TMEM178B: variants seen among roughly 807,000 people sequenced by gnomAD.
TMEM178B encodes transmembrane protein 178B.
A neutral mutation model predicts 31.0 loss-of-function variants in TMEM178B; 5 were observed. The ratio of observed to expected loss-of-function variants is 0.16; its 90% confidence interval spans 0.08 to 0.34. The LOEUF is 0.34. TMEM178B is among the 10% of genes least tolerant of loss of function. The pLI is 1.00. For synonymous variants in TMEM178B, 164 were observed against 164.0 expected, an observed-to-expected ratio of 1.00 and a Z score of 0.00; for missense variants, 275 against 400.3, an observed-to-expected ratio of 0.69 and a Z score of 2.67.
chr7:141,304,475 A>G (rs957850388), intron 2 of TMEM178B, among the ~76,000 whole-genome samples: 2 of 152,172 alleles, frequency 1.3e-5, no homozygotes, highest in South Asian at 2.1e-4. Context: ...GGCAAGGTCT[A>G]TCCTGAGCTG....
At chr7:141,355,099 G>T (rs560561570) in intron 2 of TMEM178B, among the ~76,000 whole-genome samples, 1 of 152,312 alleles carries the variant, frequency 6.6e-6, no homozygotes, top group East Asian at 1.9e-4. Context: ...GCTGTGATGG[G>T]GTGGGGGTGA....
At chr7:141,237,717 T>C (rs1797552031) in intron 2 of TMEM178B, among the ~76,000 whole-genome samples, 1 of 152,208 alleles carries the variant, frequency 6.6e-6, no homozygotes, top group Non-Finnish European at 1.5e-5. Flanking sequence ...CACCATCAGA[T>C]ACTTTATTTT....
chr7:141,390,256 C>A (rs962054057), intron 2 of TMEM178B, among the ~76,000 whole-genome samples: 1 of 152,186 alleles, frequency 6.6e-6, no homozygotes, highest in Admixed American at 6.5e-5. Flanking sequence ...GGGGGCCACA[C>A]CCTCTATGTG....
intron 1 of TMEM178B, among the ~76,000 whole-genome samples, chr7:141,159,707 C>T (rs1470549045): frequency 6.6e-6 from 1 of 152,054 alleles, no homozygotes. Flanking sequence ...CACAGTAAGA[C>T]AAATACTGTA....
the TMEM178B span, among the ~76,000 whole-genome samples, chr7:141,499,510 A>G: frequency 7.9e-5 from 12 of 150,948 alleles, no homozygotes; most frequent in Non-Finnish European, 1.6e-4. Context: ...ATTGTGGTGC[A>G]TGCCTGTAGT....
At chr7:141,117,189 T>A (rs2129175881) in intron 1 of TMEM178B, among the ~76,000 whole-genome samples, 1 of 152,352 alleles carries the variant, frequency 6.6e-6, no homozygotes, top group South Asian at 2.1e-4. Context: ...GTTTCCTGAC[T>A]TTTTAACGAT....
intron 1 of TMEM178B, among the ~76,000 whole-genome samples, chr7:141,132,973 G>A (rs961414295): frequency 6.6e-6 from 1 of 152,108 alleles, no homozygotes; most frequent in African/African-American, 2.4e-5. Flanking sequence ...AGACACCTCT[G>A]ATGCTGATTA....
the TMEM178B span, among the ~76,000 whole-genome samples, chr7:141,510,570 A>T: frequency 2.6e-5 from 4 of 151,126 alleles, no homozygotes; most frequent in South Asian, 4.2e-4. Flanking sequence ...CTGTAATCCC[A>T]GCTACTCAGG....
chr7:141,444,011 G>A (rs1025896079), intron 3 of TMEM178B, among the ~76,000 whole-genome samples: 6 of 152,114 alleles, frequency 3.9e-5, no homozygotes, highest in Non-Finnish European at 7.4e-5. Context: ...TTTTGGTTTT[G>A]ACTACTTTTT....
At chr7:141,154,276 C>T (rs1306004747) in intron 1 of TMEM178B, among the ~76,000 whole-genome samples, 1 of 152,204 alleles carries the variant, frequency 6.6e-6, no homozygotes, top group Non-Finnish European at 1.5e-5. Flanking sequence ...CATGTATTAC[C>T]AAGAGATCAG....
At chr7:141,312,326 T>C (rs538741784) in intron 2 of TMEM178B, among the ~76,000 whole-genome samples, 1 of 152,322 alleles carries the variant, frequency 6.6e-6, no homozygotes, top group Admixed American at 6.5e-5. Context: ...AGTGAATGGG[T>C]TGGTTAACAA....
intron 2 of TMEM178B, among the ~76,000 whole-genome samples, chr7:141,240,720 G>A (rs1361328608): frequency 2.6e-5 from 4 of 152,238 alleles, no homozygotes; most frequent in African/African-American, 9.6e-5. Context: ...TAAACACACA[G>A]CTGTGTGCAC....
intron 1 of TMEM178B, among the ~76,000 whole-genome samples, chr7:141,182,193 G>A (rs1400357315): frequency 6.6e-6 from 1 of 152,162 alleles, no homozygotes; most frequent in Non-Finnish European, 1.5e-5. Context: ...GGGCACTGGG[G>A]GAACTCATGC....
At chr7:141,323,771 A>G (rs74380625) in intron 2 of TMEM178B, among the ~76,000 whole-genome samples, 6,801 of 152,296 alleles carry the variant, frequency 0.045, 260 homozygotes, top group East Asian at 0.18. Context: ...GACACGGACA[A>G]TGAACAAGAT....
chr7:141,488,897 AT>A, the TMEM178B span, among the ~76,000 whole-genome samples: 728 of 152,202 alleles, frequency 4.8e-3, 6 homozygotes, highest in African/African-American at 0.017. Context: ...CTTAAATTTA[AT>A]TTTTTTCCCC....
At chr7:141,453,285 CTTTAT>C (rs1801902196) in intron 3 of TMEM178B, among the ~76,000 whole-genome samples, 1 of 152,202 alleles carries the variant, frequency 6.6e-6, no homozygotes, top group South Asian at 2.1e-4. Flanking sequence ...TTTTGCTCAT[CTTTAT>C]TTTAAGGTTT....
At chr7:141,494,138 G>A in the TMEM178B span, among the ~76,000 whole-genome samples, 3 of 152,178 alleles carry the variant, frequency 2.0e-5, no homozygotes, top group Non-Finnish European at 2.9e-5. Flanking sequence ...TAAAATGAAA[G>A]TAGCTTCTAT....
At chr7:141,311,564 A>G (rs1798910943) in intron 2 of TMEM178B, among the ~76,000 whole-genome samples, 1 of 152,218 alleles carries the variant, frequency 6.6e-6, no homozygotes, top group South Asian at 2.1e-4. Context: ...TGAATTTTAT[A>G]TTAGATTTAG....
chr7:141,286,080 T>G (rs910162855), intron 2 of TMEM178B, among the ~76,000 whole-genome samples: 1 of 151,934 alleles, frequency 6.6e-6, no homozygotes, highest in African/African-American at 2.4e-5. Context: ...ATCCCAGAAC[T>G]TAAAAGTATA....
Sources: allele counts gnomAD v4.1 joint callset (sites outside exome capture counted in the v4.1 genomes callset), GRCh38; gene constraint gnomAD v4.1.1; transcripts MANE v1.5; gene names NCBI Gene and HGNC (gene_info 2026-07-23, HGNC 2026-07-21).